The following DNM3 variants were observed in gnomAD, a reference collection of about 807,000 sequenced individuals.
DNM3 encodes dynamin-3.
DNM3 carries 47 observed loss-of-function variants against 101.6 expected under a neutral mutation model. The observed-to-expected ratio is 0.46, with a 90% CI of 0.37 to 0.59. DNM3 has a LOEUF of 0.59. Ranked by LOEUF, DNM3 falls within the 20% of genes least tolerant of loss-of-function variation. The pLI is 0.00. For missense variants in DNM3, 849 were observed against 1,085.7 expected (o/e 0.78, Z 3.06); for synonymous variants, 385 against 387.9 (o/e 0.99, Z 0.09).
At chr1:172,078,083 T>C (rs2052814698) in intron 11 of DNM3, among the ~76,000 whole-genome samples, 1 of 152,042 alleles carries the variant, frequency 6.6e-6, no homozygotes, top group African/African-American at 2.4e-5. Context: ...TGGGTCTTTG[T>C]TGGTTTTTGT....
At chr1:172,253,448 A>C in intron 14 of DNM3, 125 bp from the exon 15 acceptor site, 6 of 647,434 alleles carry the variant, frequency 9.3e-6, no homozygotes, top group Non-Finnish European at 1.3e-5. Flanking sequence ...ATGTGTTGCC[A>C]TTGGCATGCC....
intron 2 of DNM3, among the ~76,000 whole-genome samples, chr1:171,984,314 C>T (rs916986211): frequency 1.3e-5 from 2 of 152,128 alleles, no homozygotes; most frequent in African/African-American, 4.8e-5. Context: ...TCTCACTCAG[C>T]GAAAAATCAA....
rs140562620 is a variant in DNM3 at position 172,062,920 on chromosome 1, T to C, written c.1336-5899T>C. On this transcript the variant is annotated intron_variant, in intron 10 of 20. Coordinates refer to ENST00000627582, the MANE Select transcript of DNM3 (RefSeq NM_015569.5). ...CTCATATCCTGAATAAATACAACAC[T>C]ATGCTATATAAAAACAAAGGATTGC... Among the ~76,000 whole-genome samples, 177 of 152,332 alleles carry C rather than the reference T, an allele frequency of 1.2e-3. 2 individuals carry two copies. In the East Asian group the frequency reaches 0.031, roughly 27 times the overall value.
At chr1:172,026,655 C>T (rs1231330258) in intron 4 of DNM3, among the ~76,000 whole-genome samples, 2 of 150,548 alleles carry the variant, frequency 1.3e-5, no homozygotes, top group African/African-American at 4.9e-5. Context: ...CAATATTCAA[C>T]ATGCTTTTTT....
intron 20 of DNM3, among the ~76,000 whole-genome samples, chr1:172,392,364 C>CT (rs1474526211): frequency 1.3e-5 from 2 of 152,172 alleles, no homozygotes; most frequent in African/African-American, 2.4e-5. Context: ...GTCACCTCCC[C>CT]TCTCACCTCC....
intron 1 of DNM3, among the ~76,000 whole-genome samples, chr1:171,905,474 G>T (rs2038742890): frequency 1.3e-5 from 2 of 152,164 alleles, no homozygotes; most frequent in Non-Finnish European, 2.9e-5. Context: ...AGTAGCTAAG[G>T]GTGGGAGAGT....
At chr1:172,089,308 C>T (rs1254093645) in intron 12 of DNM3, among the ~76,000 whole-genome samples, 1 of 152,038 alleles carries the variant, frequency 6.6e-6, no homozygotes, top group Non-Finnish European at 1.5e-5. Context: ...GGAGTTCGTG[C>T]CCTATAGTTT....
intron 1 of DNM3, among the ~76,000 whole-genome samples, chr1:171,917,110 T>C (rs1007090499): frequency 4.6e-5 from 7 of 152,200 alleles, no homozygotes; most frequent in Non-Finnish European, 1.0e-4. Context: ...AGCTTGTTTA[T>C]TTTTGAATAA....
intron 10 of DNM3, among the ~76,000 whole-genome samples, chr1:172,056,203 A>C (rs926698108): frequency 6.6e-6 from 1 of 152,176 alleles, no homozygotes; most frequent in East Asian, 1.9e-4. Flanking sequence ...CGCCCACGGA[A>C]TCTCGCTGAT....
chr1:172,029,948 G>A (rs2048483994), intron 4 of DNM3, among the ~76,000 whole-genome samples: 1 of 152,120 alleles, frequency 6.6e-6, no homozygotes, highest in African/African-American at 2.4e-5. Flanking sequence ...TCCTGGATAG[G>A]AAGAATCAAT....
intron 14 of DNM3, among the ~76,000 whole-genome samples, chr1:172,168,430 GC>G (rs2058832024): frequency 6.6e-6 from 1 of 151,912 alleles, no homozygotes; most frequent in African/African-American, 2.4e-5. Context: ...TTTAAATAGG[GC>G]TGAGTATGCA....
intron 17 of DNM3, among the ~76,000 whole-genome samples, chr1:172,362,394 G>A (rs1037702282): frequency 2.6e-5 from 4 of 152,006 alleles, no homozygotes; most frequent in Admixed American, 1.3e-4. Context: ...AGATTCAAAG[G>A]GGCAACATGG....
chr1:172,132,884 T>C, intron 14 of DNM3: 1 of 894,662 alleles, frequency 1.1e-6, no homozygotes, highest in African/African-American at 1.7e-5. Flanking sequence ...TTTTCCTTAT[T>C]GCAGAACATT....
chr1:172,283,714 C>T (rs916004065), intron 15 of DNM3, among the ~76,000 whole-genome samples: 11 of 133,074 alleles, frequency 8.3e-5, no homozygotes, highest in Non-Finnish European at 1.4e-4. Context: ...GAGCTGAGAT[C>T]ATGCCACTGC....
chr1:171,878,980 C>T (rs1336933734), intron 1 of DNM3, among the ~76,000 whole-genome samples: 6 of 152,184 alleles, frequency 3.9e-5, no homozygotes, highest in African/African-American at 1.2e-4. Flanking sequence ...AAAATCCCCA[C>T]ATGGAGTCCC....
intron 14 of DNM3, among the ~76,000 whole-genome samples, chr1:172,201,080 C>G (rs1220195050): frequency 6.6e-6 from 1 of 152,088 alleles, no homozygotes; most frequent in Non-Finnish European, 1.5e-5. Context: ...AGGCTTTGTG[C>G]AAGGTCTTTA....
chr1:172,372,351 A>G (rs1239114765), intron 17 of DNM3, among the ~76,000 whole-genome samples: 2 of 152,116 alleles, frequency 1.3e-5, no homozygotes, highest in East Asian at 3.9e-4. Flanking sequence ...TATGAAAAAT[A>G]TAATTAAATT....
intron 20 of DNM3, among the ~76,000 whole-genome samples, chr1:172,389,425 G>A (rs967470236): frequency 2.0e-5 from 3 of 151,460 alleles, no homozygotes; most frequent in African/African-American, 7.4e-5. Context: ...AATACGTGTT[G>A]ACAATTATAA....
chr1:172,359,504 T>C (rs751972733), intron 17 of DNM3, among the ~76,000 whole-genome samples: 3 of 151,996 alleles, frequency 2.0e-5, no homozygotes, highest in Non-Finnish European at 2.9e-5. Flanking sequence ...GTGAACTTGC[T>C]AAGTTTAAAC....
Sources: gnomAD v4.1 joint callset for allele counts (sites outside exome capture counted in the v4.1 genomes callset) on GRCh38, gnomAD v4.1.1 for gene constraint, MANE v1.5 for transcripts, NCBI Gene and HGNC (gene_info 2026-07-23, HGNC 2026-07-21) for gene names.